The following ZC3H12B variants were observed in gnomAD, a reference collection of about 807,000 sequenced individuals.
ZC3H12B encodes the protein zinc finger CCCH-type containing 12B.
ZC3H12B carries 7 observed loss-of-function variants against 43.9 expected under a neutral mutation model. The ratio of observed to expected loss-of-function variants is 0.16; its 90% CI spans 0.09 to 0.30. ZC3H12B has a LOEUF of 0.30. ZC3H12B is among the 10% of genes least tolerant of loss of function. The pLI, the probability that ZC3H12B is intolerant of heterozygous loss-of-function variation, is 1.00. For missense variants in ZC3H12B, 475 were observed against 670.2 expected (o/e 0.71, Z 3.22); for synonymous variants, 222 against 241.7 (o/e 0.92, Z 0.76).
At chrX:65,097,490 T>C in the ZC3H12B span, among the ~76,000 whole-genome samples, 1 of 111,934 alleles carries the variant, frequency 8.9e-6, no homozygotes, top group East Asian at 2.8e-4. Flanking sequence ...AAATGTTATA[T>C]ACAGTGTTCA....
upstream of ZC3H12B, among the ~76,000 whole-genome samples, chrX:65,484,586 C>T (rs933743123): frequency 8.9e-6 from 1 of 112,194 alleles, no homozygotes; most frequent in African/African-American, 3.2e-5. Flanking sequence ...TCTAAGTAGG[C>T]ATCCCTAAGT....
intron 3 of ZC3H12B, among the ~76,000 whole-genome samples, chrX:65,480,433 C>T (rs2068048666): frequency 8.9e-6 from 1 of 112,544 alleles, no homozygotes; most frequent in Non-Finnish European, 1.9e-5. Context: ...TTTAACCCAA[C>T]TTACCACTAT....
At chrX:65,315,738 T>C in the ZC3H12B span, among the ~76,000 whole-genome samples, 1 of 112,032 alleles carries the variant, frequency 8.9e-6, no homozygotes, top group Non-Finnish European at 1.9e-5. Flanking sequence ...GCACAAGAAC[T>C]ATGGCAACTT....
chrX:65,320,031 G>A, the ZC3H12B span, among the ~76,000 whole-genome samples: 2 of 111,278 alleles, frequency 1.8e-5, no homozygotes, highest in African/African-American at 6.5e-5. Context: ...ATTAAATATA[G>A]TATTGGAAAT....
chrX:65,130,615 G>A, the ZC3H12B span, among the ~76,000 whole-genome samples: 1 of 111,645 alleles, frequency 9.0e-6, no homozygotes, highest in Admixed American at 9.5e-5. Flanking sequence ...TTCTACAATG[G>A]AAAGGAAATG....
chrX:65,416,781 T>C (rs2066967338), intron 3 of ZC3H12B, among the ~76,000 whole-genome samples: 1 of 102,428 alleles, frequency 9.8e-6, no homozygotes, highest in East Asian at 3.1e-4. Context: ...AGAGCGAGAC[T>C]CCGTCAAAAA....
At chrX:65,306,194 A>C in the ZC3H12B span, among the ~76,000 whole-genome samples, 3 of 112,068 alleles carry the variant, frequency 2.7e-5, no homozygotes, top group African/African-American at 9.7e-5. Flanking sequence ...TTTTGTTACA[A>C]ATATATTTTT....
chrX:65,052,018 T>C, the ZC3H12B span, among the ~76,000 whole-genome samples: 1 of 110,851 alleles, frequency 9.0e-6, no homozygotes, highest in Non-Finnish European at 1.9e-5. Flanking sequence ...ATAGGAGTAG[T>C]TGGAGAAGTG....
At chrX:65,317,791 TAC>T in the ZC3H12B span, among the ~76,000 whole-genome samples, 42 of 103,236 alleles carry the variant, frequency 4.1e-4, no homozygotes, top group Admixed American at 2.2e-3. Context: ...TATATAAATA[TAC>T]ACACACACAT....
intron 3 of ZC3H12B, among the ~76,000 whole-genome samples, chrX:65,411,852 C>T (rs1431029546): frequency 9.2e-6 from 1 of 109,191 alleles, no homozygotes; most frequent in Non-Finnish European, 1.9e-5. Flanking sequence ...ACATTGCCTG[C>T]TTATATCAAA....
At chrX:65,372,491 G>GGGAGGAAGGGAAA (rs2066259087) in intron 2 of ZC3H12B, among the ~76,000 whole-genome samples, 2 of 94,798 alleles carry the variant, frequency 2.1e-5, no homozygotes, top group Non-Finnish European at 4.1e-5. Flanking sequence ...AGGAAGGGAA[G>GGGAGGAAGGGAAA]GAAGGAAGGA....
the ZC3H12B span, among the ~76,000 whole-genome samples, chrX:65,334,657 G>A: frequency 1.8e-5 from 2 of 111,431 alleles, no homozygotes; most frequent in Admixed American, 9.6e-5. Context: ...GTAGTTATAA[G>A]ATTTTTCATT....
chrX:65,278,794 C>T, the ZC3H12B span, among the ~76,000 whole-genome samples: 33 of 108,050 alleles, frequency 3.1e-4, no homozygotes, highest in South Asian at 1.3e-3. Flanking sequence ...GCTCCTCTCC[C>T]TCCCCCTACC....
the ZC3H12B span, among the ~76,000 whole-genome samples, chrX:65,262,964 TTACA>T: frequency 4.9e-3 from 543 of 110,904 alleles, 2 homozygotes; most frequent in Non-Finnish European, 8.9e-3. Flanking sequence ...TTGTAAAATA[TTACA>T]TAGTGGTTGA....
At chrX:65,403,183 A>C (rs1394353752) in intron 3 of ZC3H12B, among the ~76,000 whole-genome samples, 2 of 112,441 alleles carry the variant, frequency 1.8e-5, no homozygotes, top group Non-Finnish European at 3.8e-5. Flanking sequence ...TACAACTGGC[A>C]TGCTGAAGAA....
intron 3 of ZC3H12B, among the ~76,000 whole-genome samples, chrX:65,448,776 C>T (rs934121539): frequency 9.5e-6 from 1 of 105,781 alleles, no homozygotes; most frequent in Non-Finnish European, 1.9e-5. Context: ...AAGATTCACA[C>T]CACTGCACTC....
the ZC3H12B span, among the ~76,000 whole-genome samples, chrX:65,361,013 T>C: frequency 8.9e-6 from 1 of 112,487 alleles, no homozygotes; most frequent in African/African-American, 3.2e-5. Context: ...GAGGTAAATA[T>C]ATGGAATTAT....
At chrX:65,115,753 A>C in the ZC3H12B span, among the ~76,000 whole-genome samples, 2 of 111,510 alleles carry the variant, frequency 1.8e-5, no homozygotes, top group Non-Finnish European at 3.8e-5. Flanking sequence ...CATTCCTGCA[A>C]GAGTTAGATG....
intron 3 of ZC3H12B, among the ~76,000 whole-genome samples, chrX:65,446,153 G>A (rs2067373215): frequency 8.9e-6 from 1 of 111,962 alleles, no homozygotes; most frequent in African/African-American, 3.2e-5. Context: ...GTGGGAACTG[G>A]GGCCTGGAAT....
Sources: allele counts gnomAD v4.1 joint callset (sites outside exome capture counted in the v4.1 genomes callset), GRCh38; gene constraint gnomAD v4.1.1; transcripts MANE v1.5; gene names NCBI Gene and HGNC (gene_info 2026-07-23, HGNC 2026-07-21).